Variants in MGAM observed in about 807,000 individuals in gnomAD.
MGAM encodes maltase-glucoamylase.
MGAM carries 253 observed loss-of-function variants against 358.8 expected under a neutral mutation model. That is an observed-to-expected ratio of 0.71 (90% CI 0.64 to 0.78). The LOEUF (loss-of-function observed/expected upper bound fraction) is 0.78, where lower values mean the gene tolerates loss of function less well. Among genes scored for constraint, MGAM ranks in the 30% least tolerant of loss-of-function variants. MGAM has a pLI of 0.00. For synonymous variants in MGAM, 1,105 were observed against 1,227.1 expected, an observed-to-expected ratio of 0.90 and a Z score of 2.08; for missense variants, 3,080 against 3,432.6, an observed-to-expected ratio of 0.90 and a Z score of 2.57.
Position 142,041,981 on chromosome 7 carries a change from TAATATAATATA to T in MGAM, c.2498+1136_2498+1146del, listed in dbSNP as rs1808762128. 3.0e-4 allele frequency among the ~76,000 whole-genome samples: 4 copies of T among 13,258 alleles called. 1 individual carries two copies. The highest frequency in any genetic ancestry group is 6.0e-4 in the Non-Finnish European group (4 of 6,668). The allele number at this position is 13,258 out of a possible 152,430, so 8.7% of individuals were successfully genotyped here. A position where few individuals can be genotyped will look rare whatever the true frequency, so the allele number is the denominator to read the frequency against. ...ATAATATATATATATTATATATATA[TAATATAATATA>T]TATATATTATATATATAATATAATA... On this transcript the variant is annotated intron_variant, in intron 21 of 70. Coordinates refer to ENST00000475668, the MANE Select transcript of MGAM (RefSeq NM_001365693.1).
intron 44 of MGAM, among the ~76,000 whole-genome samples, chr7:142,071,931 T>A (rs1455430261): frequency 6.8e-6 from 1 of 146,380 alleles, no homozygotes. Flanking sequence ...TTTAATAGAC[T>A]AGGAGTTCTT....
Position 142,076,763 on chromosome 7 carries a change from G to T in MGAM, c.5430G>T (p.Thr1810=), listed in dbSNP as rs13308609. 4 of 1,553,364 alleles carry T rather than the reference G, an allele frequency of 2.6e-6. No individual in the cohort carries two copies. Among genetic ancestry groups the T allele is most frequent in the Admixed American group, 1.7e-5 (1 of 58,362 alleles). Residue 1810 remains threonine, a synonymous_variant, in exon 47 of 71, where the codon ACG becomes ACT. Coordinates refer to ENST00000475668, the MANE Select transcript of MGAM (RefSeq NM_001365693.1). The part of the protein sequence containing the change: ...ILGMEEPSNV[T]VKHNGVPSQT... ...GGATGGAGGAACCTAGCAATGTTAC[G>T]GTGAAACACAATGGTGTCCCAAGTC...
chr7:142,090,804 T>C (rs574202805), intron 57 of MGAM, among the ~76,000 whole-genome samples: 9 of 146,868 alleles, frequency 6.1e-5, no homozygotes, highest in African/African-American at 1.9e-4. Flanking sequence ...CAACATTTAT[T>C]TGCTGCTTCG....
rs782329716 is a variant in MGAM, at chr7:142,036,836, C to A, written c.2090C>A (p.Ala697Asp). The A allele has an allele frequency of 3.7e-6, 6 of 1,613,366 alleles. No homozygotes were observed. Among genetic ancestry groups the A allele is most frequent in the Middle Eastern group, 1.7e-4 (1 of 6,050 alleles). ...ATTTCCTCCCAGGACCAGGATCCTG[C>A]CTCCTTTGGAGCTGACTCCCTGCTG... ...NGQGYKDQDP[A>D]SFGADSLLLN... is the part of the protein sequence containing the mutation. The change falls in exon 18 of 71, where the codon GCC becomes GAC. Residue 697 changes from alanine (A) to aspartate (D), a missense_variant. Ala to Asp is a moderately radical substitution (Grantham distance 126). This residue lies in a region of MGAM where 1,816 missense variants were observed against 1,840.5 expected (regional missense o/e 0.99). Transcript: ENST00000475668.
At chr7:142,023,327 A>T (rs1554459745) in intron 7 of MGAM, among the ~76,000 whole-genome samples, 1 of 152,048 alleles carries the variant, frequency 6.6e-6, no homozygotes, top group African/African-American at 2.4e-5. Flanking sequence ...GTCTCCCGTA[A>T]GTGCTGGGAT....
Position 142,008,641 on chromosome 7 carries a change from C to T in MGAM, c.263C>T (p.Ala88Val), listed in dbSNP as rs142208150. The T allele has an allele frequency of 6.2e-7, 1 of 1,613,564 alleles. No homozygotes were observed. Among genetic ancestry groups the T allele is most frequent in the Non-Finnish European group, 8.5e-7 (1 of 1,179,670 alleles). Residue 88 changes from alanine (A) to valine (V), a missense_variant, in exon 3 of 71, where the codon GCT becomes GTT. Around this residue, in one of 5 missense-constraint regions of MGAM, gnomAD observed 1,816 missense variants for 1,840.5 expected, o/e 0.99. Transcript: ENST00000475668. ...PGTTGTTPVS[A>V]ECPVVNELER... ...ACAACTGGTACCACTCCTGTTTCTG[C>T]TGAATGTCCAGTGGTAAATGAATTG... is the stretch of plus-strand genomic sequence containing the variant.
Position 142,049,714 on chromosome 7 carries a change from G to A in MGAM, c.2588-521G>A, listed in dbSNP as rs547794826. On this transcript the variant is annotated intron_variant, in intron 22 of 70. Coordinates refer to ENST00000475668, the MANE Select transcript of MGAM (RefSeq NM_001365693.1). ...GTGAAAAGATGCTCAACATCAGTAA[G>A]TGACACAGGTATGCAAATAAAAAAT... is the stretch of plus-strand genomic sequence containing the variant. Among the ~76,000 whole-genome samples the A allele has an allele frequency of 3.3e-5, 5 of 152,276 alleles. No individual in the cohort carries two copies. In the South Asian group the frequency reaches 1.0e-3, roughly 32 times the overall value.
chr7:142,081,082 A>G lies in MGAM; in HGVS notation c.6002+137A>G. 1.2e-5 allele frequency: 11 copies of G among 882,538 alleles called. No individual in the cohort carries two copies. The South Asian group carries it at 2.0e-4, about 16-fold the overall frequency. 54.7% of individuals were successfully genotyped at this position (882,538 alleles called of 1,614,324 possible). On this transcript the variant is annotated intron_variant, in intron 50 of 70. Coordinates refer to ENST00000475668, the MANE Select transcript of MGAM (RefSeq NM_001365693.1). ...TCCATGGATGAGTTGTTTCCTTCAG[A>G]CCTATTCTTACAGGAAATCTTTAGC...
At chr7:142,072,440 T>A (rs1286367852) in intron 44 of MGAM, among the ~76,000 whole-genome samples, 2 of 146,464 alleles carry the variant, frequency 1.4e-5, no homozygotes, top group Non-Finnish European at 1.5e-5. Flanking sequence ...GCACTGCCAC[T>A]TCCAAGTTTC....
chr7:142,048,012 G>A (rs1368914776), intron 22 of MGAM, 139 bp downstream of exon 22: 2 of 703,404 alleles, frequency 2.8e-6, no homozygotes, highest in Non-Finnish European at 4.8e-6. Context: ...TTTGTTTCTG[G>A]TTGCACCATT....
At chr7:142,081,129 G>T (rs1354146347) in intron 50 of MGAM, among the ~76,000 whole-genome samples, 184 bp downstream of exon 50, 2 of 146,466 alleles carry the variant, frequency 1.4e-5, no homozygotes, top group Admixed American at 1.4e-4. Flanking sequence ...AATTACTGAG[G>T]CAGTTGAGCG....
intron 57 of MGAM, among the ~76,000 whole-genome samples, chr7:142,088,743 G>GTCTATCTA (rs1388290800): frequency 1.0e-4 from 10 of 96,782 alleles, no homozygotes; most frequent in African/African-American, 2.8e-4. Flanking sequence ...CTGTCTGTCT[G>GTCTATCTA]TCTGTCTATC....
In MGAM at chr7:142,034,888, A is replaced by G. The variant is rs782466589; in HGVS notation, c.1959+47A>G. 3.2e-6 allele frequency: 5 copies of G among 1,559,624 alleles called. No homozygotes were observed. In the South Asian group the frequency reaches 5.9e-5, roughly 18 times the overall value. On this transcript the variant is annotated intron_variant, in intron 16 of 70. Transcript: ENST00000475668. The stretch of plus-strand genomic sequence containing the variant: ...TCTTATGAACCTGAATTCCCAGGCA[A>G]CCTCATTCTAGAAAGTTTTCAAACC...
At chr7:142,057,062 G>T in intron 30 of MGAM, 120 bp downstream of exon 30, 1 of 874,390 alleles carries the variant, frequency 1.1e-6, no homozygotes, top group South Asian at 2.1e-5. Context: ...CTTGGAGAGA[G>T]ATTATAGAAT....
chr7:142,102,728 G>A, intron 69 of MGAM, 49 bp downstream of exon 69: 1 of 1,562,236 alleles, frequency 6.4e-7, no homozygotes, highest in Non-Finnish European at 8.8e-7. Flanking sequence ...TGGCTTAGGA[G>A]GGTGCTGAAT....
At chr7:142,093,903 T>C (rs1252688499) in intron 60 of MGAM, among the ~76,000 whole-genome samples, 1 of 145,482 alleles carries the variant, frequency 6.9e-6, no homozygotes, top group African/African-American at 2.4e-5. Flanking sequence ...CTCTCCCCTT[T>C]ATTTCAAAGT....
chr7:142,059,736 A>G (rs1811918717), intron 32 of MGAM, 120 bp from the exon 33 acceptor site: 1 of 1,570,780 alleles, frequency 6.4e-7, no homozygotes, highest in African/African-American at 1.4e-5. Context: ...CCCAGGACTC[A>G]CAGAAACTCT....
rs781964893 is a variant in MGAM, at chr7:142,027,680, C to T, written c.1166C>T (p.Thr389Ile). The change falls in exon 10 of 71, where the codon ACC becomes ATC. Residue 389 changes from threonine (T) to isoleucine (I), a missense_variant. By Grantham distance (89) the Thr-to-Ile change is moderately conservative. This residue lies in a region of MGAM where 1,816 missense variants were observed against 1,840.5 expected (regional missense o/e 0.99). Coordinates refer to ENST00000475668, the MANE Select transcript of MGAM (RefSeq NM_001365693.1). ...CACCTCAGTCGTTACGAATATGGAA[C>T]CTTAGACAACATGAGGGAAGTCGTG... ...GFHLSRYEYG[T>I]LDNMREVVER... The T allele has an allele frequency of 6.2e-7, 1 of 1,613,522 alleles. No individual in the cohort carries two copies. Among genetic ancestry groups the T allele is most frequent in the Admixed American group, 1.7e-5 (1 of 59,978 alleles).
chr7:142,078,766 C>T (rs1813964453), intron 48 of MGAM, 42 bp from the exon 49 acceptor site: 1 of 1,496,950 alleles, frequency 6.7e-7, no homozygotes, highest in South Asian at 1.1e-5. Flanking sequence ...AACTTTAAGA[C>T]CACATGCTGT....
Sources: allele counts gnomAD v4.1 joint callset (sites outside exome capture counted in the v4.1 genomes callset), GRCh38; gene constraint gnomAD v4.1.1; regional missense constraint gnomAD v4.1.1; transcripts MANE v1.5; gene names NCBI Gene and HGNC (gene_info 2026-07-23, HGNC 2026-07-21).